The following TOR2A variants were observed in gnomAD, a reference collection of about 807,000 sequenced individuals.
TOR2A encodes prosalusin.
TOR2A carries 24 observed loss-of-function variants against 28.6 expected under a neutral mutation model. The observed-to-expected ratio is 0.84, with a 90% CI of 0.61 to 1.18. TOR2A has a LOEUF of 1.18. Ranked by LOEUF, TOR2A falls within the 50% of genes most tolerant of loss-of-function variation. TOR2A has a pLI of 0.00. For synonymous variants in TOR2A, 203 were observed against 203.1 expected (o/e 1.00, Z 0.00); for missense variants, 426 against 448.1 (o/e 0.95, Z 0.45).
At position 127,735,054 on chromosome 9, in the gene TOR2A, G is replaced by A. The variant is rs992056732; in HGVS notation, c.151+66C>T. Reference sequence around the variant, plus strand: ...GGCCGGCGCCAGCCGGGCTCCCAGGGCTCCCAGCGCTCCCGCGTCTGCCCG... The same window carrying A: ...GGCCGGCGCCAGCCGGGCTCCCAGGACTCCCAGCGCTCCCGCGTCTGCCCG... On this transcript the variant is annotated intron_variant, in intron 1 of 4. Coordinates refer to ENST00000373284, the MANE Select transcript of TOR2A (RefSeq NM_001085347.3). 4.4e-6 allele frequency: 6 copies of A among 1,369,718 alleles called. No individual in the cohort carries two copies. The African/African-American group carries it at 4.6e-5, about 11-fold the overall frequency. 84.8% of individuals were successfully genotyped at this position (1,369,718 alleles called of 1,614,324 possible). A position where few individuals can be genotyped will look rare whatever the true frequency, so the allele number is the denominator to read the frequency against.
chr9:127,732,045 A>T lies in TOR2A; in HGVS notation c.955T>A (p.Phe319Ile). 1.2e-6 allele frequency: 2 copies of T among 1,613,480 alleles called. No homozygotes were observed. The highest frequency in any genetic ancestry group is 1.7e-6 in the Non-Finnish European group (2 of 1,179,814). Residue 319 changes from phenylalanine to isoleucine, a missense_variant, in exon 5 of 5, where the codon TTC becomes ATC. Transcript: ENST00000373284. ...GCKTVASRIA[F>I]FL Reference sequence around the variant, plus strand: ...CACCACTCAGAGAGTCAGAGGAAGAAGGCGATTCGGGAGGCCACGGTCTTG... The same window carrying T: ...CACCACTCAGAGAGTCAGAGGAAGATGGCGATTCGGGAGGCCACGGTCTTG...
rs533443786 is a variant in TOR2A at position 127,734,449 on chromosome 9, G to C, written c.267C>G (p.Leu89=). The C allele has an allele frequency of 1.5e-5, 24 of 1,610,784 alleles. No individual in the cohort carries two copies. The East Asian group carries it at 3.6e-4, about 24-fold the overall frequency. Residue 89 remains leucine, a synonymous_variant, in exon 2 of 5, where the codon CTC becomes CTG. Transcript: ENST00000373284. ...CGGTGCCGGTCCAGCCGTGCAGGGA[G>C]AGGACCAGCGGCTTGGTGGGGGCTG... is the stretch of plus-strand genomic sequence containing the variant. ...RDPAPTKPLV[L]SLHGWTGTGK...
At position 127,734,477 on chromosome 9, in the gene TOR2A, T is replaced by C. The variant is rs779228298; in HGVS notation, c.239A>G (p.Asp80Gly). Residue 80 changes from aspartate (D) to glycine (G), a missense_variant, in exon 2 of 5, where the codon GAC becomes GGC. Asp to Gly is a moderately conservative substitution (Grantham distance 94). Transcript: ENST00000373284. Reference sequence around the variant, plus strand: ...GACCAGCGGCTTGGTGGGGGCTGGGTCCCGCACAAAGGCCTTCAGCGCCTT... The same window carrying C: ...GACCAGCGGCTTGGTGGGGGCTGGGCCCCGCACAAAGGCCTTCAGCGCCTT... ...VVKALKAFVR[D>G]PAPTKPLVLS... 6.3e-7 allele frequency: 1 copy of C among 1,599,932 alleles called. No individual in the cohort carries two copies. The highest frequency in any genetic ancestry group is 8.5e-7 in the Non-Finnish European group (1 of 1,173,884).
At position 127,735,277 on chromosome 9, in the gene TOR2A, G is replaced by A. The variant is rs778086037; in HGVS notation, c.-7C>T. 1 of 1,387,512 alleles carries A rather than the reference G, an allele frequency of 7.2e-7. No individual in the cohort carries two copies. The highest frequency in any genetic ancestry group is 1.6e-5 in the South Asian group (1 of 61,892). The allele number at this position is 1,387,512 out of a possible 1,614,324, so 86.0% of individuals were successfully genotyped here. A position where few individuals can be genotyped will look rare whatever the true frequency, so the allele number is the denominator to read the frequency against. Reference sequence around the variant, plus strand: ...CGCGCGTCGCAGCCGCCATCCGGGTGAGGCCCGAGCTCGTTGTGGGGCAGT... The same window carrying A: ...CGCGCGTCGCAGCCGCCATCCGGGTAAGGCCCGAGCTCGTTGTGGGGCAGT... On this transcript the variant is annotated 5_prime_UTR_variant, in exon 1 of 5. Coordinates refer to ENST00000373284, the MANE Select transcript of TOR2A (RefSeq NM_001085347.3).
Position 127,733,552 on chromosome 9 carries a change from CAGATCCTTCTGT to C in TOR2A, c.418-4_425del. 1 of 1,611,380 alleles carries C rather than the reference CAGATCCTTCTGT, an allele frequency of 6.2e-7. No individual in the cohort carries two copies. Among genetic ancestry groups the C allele is most frequent in the Non-Finnish European group, 8.5e-7 (1 of 1,179,184 alleles). On this transcript the variant is annotated splice_acceptor_variant and splice_polypyrimidine_tract_variant and coding_sequence_variant and intron_variant, in exon 3 of 5. Coordinates refer to ENST00000373284, the MANE Select transcript of TOR2A (RefSeq NM_001085347.3). LOFTEE classifies it high-confidence loss of function. Reference sequence around the variant, plus strand: ...TGAGGTTCCCTTGGACCCAGCTCTTCAGATCCTTCTGTAGGGGAGAGACAGGAGTTCCAGGGG... The same window carrying C: ...TGAGGTTCCCTTGGACCCAGCTCTTCAGGGGAGAGACAGGAGTTCCAGGGG...
rs1394403567 is a variant in TOR2A, at chr9:127,731,987, C to CAGGCCAGGAAA, written c.*46_*47insTTTCCTGGCCT. 5 of 1,579,816 alleles carry CAGGCCAGGAAA rather than the reference C, an allele frequency of 3.2e-6. No homozygotes were observed. The highest frequency in any genetic ancestry group is 4.3e-6 in the Non-Finnish European group (5 of 1,162,322). On this transcript the variant is annotated 3_prime_UTR_variant, in exon 5 of 5. Transcript: ENST00000373284. ...CCTGTGACAGAGGCCCCTGGCCTTT[C>CAGGCCAGGAAA]CTGCATGGCCTGGCCATCAGGGGGG...
At chr9:127,732,322 A>G (rs1409016019) in intron 4 of TOR2A, 44 bp from the exon 5 acceptor site, 1 of 1,529,046 alleles carries the variant, frequency 6.5e-7, no homozygotes, top group Admixed American at 2.1e-5. Flanking sequence ...GCTTCACAAG[A>G]GGGGAGAAGC....
At chr9:127,734,748 G>A (rs1036958282) in intron 1 of TOR2A, 184 bp from the exon 2 acceptor site, 2 of 698,154 alleles carry the variant, frequency 2.9e-6, no homozygotes, top group East Asian at 6.8e-5. Context: ...GATTCAGCTC[G>A]GCAGCGCCCC....
chr9:127,735,153 A>C lies in TOR2A; in HGVS notation c.118T>G (p.Phe40Val). The part of the protein sequence containing the change: ...LASLRCTLGA[F>V]CECDFRPDLP... ...TCGGGCCGGAAGTCGCATTCGCAAA[A>C]GGCGCCCAAGGTGCAGCGCAGGGAA... is the stretch of plus-strand genomic sequence containing the variant. Residue 40 changes from phenylalanine to valine, a missense_variant, in exon 1 of 5, where the codon TTT (phenylalanine) becomes GTT (valine). Phe to Val is a conservative substitution (Grantham distance 50). Coordinates refer to ENST00000373284, the MANE Select transcript of TOR2A (RefSeq NM_001085347.3). 6.7e-7 allele frequency: 1 copy of C among 1,484,110 alleles called. No individual in the cohort carries two copies. Among genetic ancestry groups the C allele is most frequent in the Admixed American group, 2.3e-5 (1 of 43,710 alleles). 91.9% of individuals were successfully genotyped at this position (1,484,110 alleles called of 1,614,324 possible).
intron 3 of TOR2A, 58 bp downstream of exon 3, chr9:127,733,327 G>C (rs780451881): frequency 3.7e-6 from 6 of 1,613,494 alleles, no homozygotes; most frequent in Non-Finnish European, 5.1e-6. Flanking sequence ...TAAGGCTGTA[G>C]AGCTGAACCT....
rs1464099789 is a variant in TOR2A, at chr9:127,735,247, G to A, written c.24C>T (p.Cys8=). ...GCCCGAGGAGCGAGCCCCAGGGCCG[G>A]CAGCCGCGCGTCGCAGCCGCCATCC... MAAATRG[C]RPWGSLLGLL... The change falls in exon 1 of 5, where the codon TGC becomes TGT. Residue 8 remains cysteine, a synonymous_variant. Coordinates refer to ENST00000373284, the MANE Select transcript of TOR2A (RefSeq NM_001085347.3). 6 of 1,417,688 alleles carry A rather than the reference G, an allele frequency of 4.2e-6. No individual in the cohort carries two copies. The highest frequency in any genetic ancestry group is 1.5e-5 in the African/African-American group (1 of 66,424). 87.8% of individuals were successfully genotyped at this position (1,417,688 alleles called of 1,614,324 possible). A position where few individuals can be genotyped will look rare whatever the true frequency, so the allele number is the denominator to read the frequency against.
At chr9:127,732,334 G>T in intron 4 of TOR2A, 56 bp from the exon 5 acceptor site, 1 of 1,519,976 alleles carries the variant, frequency 6.6e-7, no homozygotes, top group Non-Finnish European at 8.8e-7. Context: ...GGGAGAAGCC[G>T]GCCCCAAACC....
At chr9:127,734,136 G>T in intron 2 of TOR2A, 163 bp downstream of exon 2, 1 of 919,272 alleles carries the variant, frequency 1.1e-6, no homozygotes, top group Non-Finnish European at 1.5e-6. Context: ...TCCCTGCCAG[G>T]TAGAATGACA....
At chr9:127,733,063 A>G in intron 3 of TOR2A, 1 of 1,441,694 alleles carries the variant, frequency 6.9e-7, no homozygotes, top group East Asian at 2.5e-5. Flanking sequence ...GAGAGCTGGG[A>G]CTAAAGGACA....
rs747482294 is a variant in TOR2A, at chr9:127,732,013, C to T, written c.*21G>A. 1.1e-5 allele frequency: 17 copies of T among 1,604,236 alleles called. No individual in the cohort carries two copies. In the East Asian group the frequency reaches 3.8e-4, roughly 36 times the overall value. ...CTGCATGGCCTGGCCATCAGGGGGG[C>T]CGAGGACACCACTCAGAGAGTCAGA... On this transcript the variant is annotated 3_prime_UTR_variant, in exon 5 of 5. Transcript: ENST00000373284.
chr9:127,733,515 G>A lies in TOR2A; in HGVS notation c.463C>T (p.Arg155Cys), dbSNP rs1281252134. The A allele has an allele frequency of 1.5e-5, 25 of 1,613,816 alleles. No individual in the cohort carries two copies. The highest frequency in any genetic ancestry group is 7.7e-5 in the South Asian group (7 of 91,078). Residue 155 changes from arginine to cysteine, a missense_variant, in exon 3 of 5, where the codon CGC becomes TGC. Arg to Cys is a radical substitution (Grantham distance 180). Transcript: ENST00000373284. ...ATCTCATCGAAGAGGAAGAGGGAGC[G>A]GCCACAGGCAGTGAGGTTCCCTTGG... ...WVQGNLTACG[R>C]SLFLFDEMDK...
rs1011797938 is a variant in TOR2A, at chr9:127,735,192, C to T, written c.79G>A (p.Ala27Thr). ...LLGLVSAAAA[A>T]WDLASLRCTL... ...CAGCGCAGGGAAGCCAGGTCCCAGGCGGCGGCCGCGGCCGAGACCAGCCCG... is the reference window on the plus strand; with the variant it reads ...CAGCGCAGGGAAGCCAGGTCCCAGGTGGCGGCCGCGGCCGAGACCAGCCCG... Residue 27 changes from alanine (A) to threonine (T), a missense_variant, in exon 1 of 5, where the codon GCC becomes ACC. Physicochemically the swap from Ala to Thr is moderately conservative, Grantham distance 58 (BLOSUM62 0). Coordinates refer to ENST00000373284, the MANE Select transcript of TOR2A (RefSeq NM_001085347.3). 12 of 1,480,958 alleles carry T rather than the reference C, an allele frequency of 8.1e-6. No homozygotes were observed. The highest frequency in any genetic ancestry group is 9.8e-6 in the Non-Finnish European group (11 of 1,124,224). 91.7% of individuals were successfully genotyped at this position (1,480,958 alleles called of 1,614,324 possible).
chr9:127,734,373 G>A lies in TOR2A; in HGVS notation c.343C>T (p.Leu115Phe), dbSNP rs781051221. 14 of 1,612,534 alleles carry A rather than the reference G, an allele frequency of 8.7e-6. No homozygotes were observed. In the Admixed American group the frequency reaches 2.3e-4, roughly 27 times the overall value. Residue 115 changes from leucine (L) to phenylalanine (F), a missense_variant, in exon 2 of 5, where the codon CTC becomes TTC. Physicochemically the swap from Leu to Phe is conservative, Grantham distance 22. Coordinates refer to ENST00000373284, the MANE Select transcript of TOR2A (RefSeq NM_001085347.3). ...AAGTGGTGCACGCGGGGGCTGCGGA[G>A]GCCGCCCTGGAAGAGGTAGTGCGCC... ...LLAHYLFQGG[L>F]RSPRVHHFSP...
rs1844468776 is a variant in TOR2A at position 127,732,267 on chromosome 9, T to C, written c.733A>G (p.Asn245Asp). 1.2e-5 allele frequency: 19 copies of C among 1,579,960 alleles called. No individual in the cohort carries two copies. The highest frequency in any genetic ancestry group is 1.5e-5 in the Non-Finnish European group (17 of 1,158,742). The stretch of plus-strand genomic sequence containing the variant: ...AGGCGCTCTTCCATGATGCCCGAGT[T>C]TGAGAAGCCATCTGCAGGAAGGGTA... ...VLDNPHHGFS[N>D]SGIMEERLLD... Residue 245 changes from asparagine (N) to aspartate (D), a missense_variant, in exon 5 of 5, where the codon AAC becomes GAC. Asn to Asp is a conservative substitution (Grantham distance 23). Transcript: ENST00000373284.
Sources: allele counts gnomAD v4.1 joint callset, GRCh38; gene constraint gnomAD v4.1.1; transcripts MANE v1.5; gene names NCBI Gene and HGNC (gene_info 2026-07-23, HGNC 2026-07-21).